Variants in INPPL1 observed in about 807,000 individuals in gnomAD.
The protein encoded by INPPL1 is inositol polyphosphate phosphatase like 1, also known as phosphatidylinositol 3,4,5-trisphosphate 5-phosphatase 2.
A neutral mutation model predicts 139.3 loss-of-function variants in INPPL1; 91 were observed. The observed-to-expected ratio is 0.65, with a 90% CI of 0.55 to 0.78. The LOEUF is 0.78. INPPL1 is among the 30% of genes least tolerant of loss of function. INPPL1 has a pLI of 0.00. For missense variants in INPPL1, 1,411 were observed against 1,665.6 expected (o/e 0.85, Z 2.66); for synonymous variants, 719 against 686.6 (o/e 1.05, Z -0.74).
At position 72,228,286 on chromosome 11, in the gene INPPL1, A is replaced by T. The variant is rs1948730043; in HGVS notation, c.246+33A>T. 6.2e-7 allele frequency: 1 copy of T among 1,613,970 alleles called. No individual in the cohort carries two copies. Among genetic ancestry groups the T allele is most frequent in the African/African-American group, 1.3e-5 (1 of 74,990 alleles). On this transcript the variant is annotated intron_variant, in intron 2 of 27. Coordinates refer to ENST00000298229, the MANE Select transcript of INPPL1 (RefSeq NM_001567.4). This position sits in a 1 kb window ranked among gnomAD's most constrained non-coding sequence, Gnocchi z 5.0. Reference sequence around the variant, plus strand: ...CTTGGGCCCCTGACCCCTGACCTTGATCCAGCCTAGGGCTTGGGGACCTGC... The same window carrying T: ...CTTGGGCCCCTGACCCCTGACCTTGTTCCAGCCTAGGGCTTGGGGACCTGC...
intron 25 of INPPL1, 122 bp from the exon 26 acceptor site, chr11:72,237,002 G>C (rs766848905): frequency 4.9e-6 from 4 of 814,586 alleles, no homozygotes; most frequent in Non-Finnish European, 7.7e-6. Flanking sequence ...TGTGCTCAAG[G>C]TCATGAGAAA....
In INPPL1 at chr11:72,228,872, A is replaced by T. The variant is rs1160552961; in HGVS notation, c.518+25A>T. ...GGTGAGACCCCCATCCCATCCACTGAACAGGAGACCCTTTCTCCTCTGAGA... is the reference window on the plus strand; with the variant it reads ...GGTGAGACCCCCATCCCATCCACTGTACAGGAGACCCTTTCTCCTCTGAGA... On this transcript the variant is annotated intron_variant, in intron 4 of 27. Transcript: ENST00000298229. The surrounding 1 kb of genome is among the most constrained non-coding windows in gnomAD (Gnocchi z 5.0). 1 of 1,560,298 alleles carries T rather than the reference A, an allele frequency of 6.4e-7. No individual in the cohort carries two copies. The highest frequency in any genetic ancestry group is 1.2e-5 in the South Asian group (1 of 81,976).
intron 13 of INPPL1, among the ~76,000 whole-genome samples, chr11:72,231,956 A>G (rs1213939032): frequency 6.6e-6 from 1 of 152,062 alleles, no homozygotes; most frequent in African/African-American, 2.4e-5. Context: ...TTCTGCGCAG[A>G]ATCTGCAGGG....
chr11:72,230,402 G>T lies in INPPL1; in HGVS notation c.1131G>T (p.Leu377=). 1 of 1,614,148 alleles carries T rather than the reference G, an allele frequency of 6.2e-7. No homozygotes were observed. Residue 377 remains leucine (L), a synonymous_variant, in exon 10 of 28, where the codon CTG becomes CTT. Transcript: ENST00000298229. ...AGTCCCAGCGTGTCCAGAACAAGCTGGGTGTTGTGTTTGAGAAGGAGAAGG... is the reference window on the plus strand; with the variant it reads ...AGTCCCAGCGTGTCCAGAACAAGCTTGGTGTTGTGTTTGAGAAGGAGAAGG... ...LIKSQRVQNK[L]GVVFEKEKDR... is the part of the protein sequence containing the mutation.
rs1591266094 is a variant in INPPL1, at chr11:72,224,996, C to T, written c.12C>T (p.Ala4=). Residue 4 remains alanine (A), a synonymous_variant, in exon 1 of 28, where the codon GCC becomes GCT. Transcript: ENST00000298229. MAS[A]CGAPGPGGAL... is the part of the protein sequence containing the mutation. ...GCCCTGCGCGGGCCATGGCCTCGGC[C>T]TGCGGGGCGCCGGGCCCGGGGGGCG... The T allele has an allele frequency of 3.4e-6, 4 of 1,193,894 alleles. No homozygotes were observed. The East Asian group carries it at 1.1e-4, about 32-fold the overall frequency. The allele number at this position is 1,193,894 out of a possible 1,614,324, so 74.0% of individuals were successfully genotyped here. A position where few individuals can be genotyped will look rare whatever the true frequency, so the allele number is the denominator to read the frequency against.
Position 72,228,549 on chromosome 11 carries a change from C to T in INPPL1, c.397+51C>T, listed in dbSNP as rs1437184640. 17 of 1,589,036 alleles carry T rather than the reference C, an allele frequency of 1.1e-5. No individual in the cohort carries two copies. The highest frequency in any genetic ancestry group is 1.5e-5 in the Non-Finnish European group (17 of 1,171,312). On this transcript the variant is annotated intron_variant, in intron 3 of 27. Transcript: ENST00000298229. This position sits in a 1 kb window ranked among gnomAD's most constrained non-coding sequence, Gnocchi z 5.0. ...CCCTGCCCCTGTCCCTTGGCTCTAC[C>T]TGCCTCTTCCCATCCCCCCTTCTCA... is the stretch of plus-strand genomic sequence containing the variant.
intron 13 of INPPL1, 118 bp from the exon 14 acceptor site, chr11:72,232,122 C>T: frequency 1.2e-6 from 1 of 815,638 alleles, no homozygotes; most frequent in Non-Finnish European, 2.0e-6. Flanking sequence ...CTGCCCATGT[C>T]ACAGCGTCTG....
intron 13 of INPPL1, among the ~76,000 whole-genome samples, chr11:72,232,018 CACAT>C (rs1409862646): frequency 1.3e-5 from 2 of 152,120 alleles, no homozygotes; most frequent in Non-Finnish European, 2.9e-5. Context: ...GCTCTGCTCA[CACAT>C]ACAGACAGAC....
In INPPL1 at chr11:72,225,150, T is replaced by G; in HGVS notation, c.166T>G (p.Phe56Val). 8.1e-7 allele frequency: 1 copy of G among 1,230,618 alleles called. No individual in the cohort carries two copies. The allele number at this position is 1,230,618 out of a possible 1,614,324, so 76.2% of individuals were successfully genotyped here. A position where few individuals can be genotyped will look rare whatever the true frequency, so the allele number is the denominator to read the frequency against. Residue 56 changes from phenylalanine to valine, a missense_variant, in exon 1 of 28, where the codon TTC (phenylalanine) becomes GTC (valine). Transcript: ENST00000298229. ...AGACAGCGAGAGCGTGGCGGGGGCCTTCGCGCTCTGCGTCCTGTGAGTGGG... is the reference window on the plus strand; with the variant it reads ...AGACAGCGAGAGCGTGGCGGGGGCCGTCGCGCTCTGCGTCCTGTGAGTGGG... Reference protein sequence around the residue: ...VRDSESVAGAFALCVLYQKHV... With the variant: ...VRDSESVAGAVALCVLYQKHV...
intron 1 of INPPL1, chr11:72,227,868 C>G (rs553365756): frequency 2.4e-6 from 1 of 415,258 alleles, no homozygotes; most frequent in African/African-American, 2.0e-5. Context: ...GGTACCACAG[C>G]CCAGAGGGGC....
intron 9 of INPPL1, 42 bp downstream of exon 9, chr11:72,230,313 C>A: frequency 6.2e-7 from 1 of 1,612,550 alleles, no homozygotes; most frequent in Non-Finnish European, 8.5e-7. Context: ...CAGGGCGGAG[C>A]CCCTGGCCTA....
chr11:72,227,416 G>A (rs1485535850), intron 1 of INPPL1, among the ~76,000 whole-genome samples: 1 of 152,184 alleles, frequency 6.6e-6, no homozygotes, highest in Admixed American at 6.5e-5. Context: ...GTTTGTAATA[G>A]TCTACAAAGG....
At chr11:72,231,706 G>T (rs996437928) in intron 13 of INPPL1, 91 bp downstream of exon 13, 1 of 902,518 alleles carries the variant, frequency 1.1e-6, no homozygotes, top group African/African-American at 1.6e-5. Flanking sequence ...CCCATTTTTG[G>T]TGATCTTAGT....
At chr11:72,231,752 C>T (rs1010373318) in intron 13 of INPPL1, 137 bp downstream of exon 13, 3 of 675,808 alleles carry the variant, frequency 4.4e-6, no homozygotes, top group Non-Finnish European at 8.0e-6. Context: ...CTTTGAAAAA[C>T]ATATTCATAT....
At position 72,233,750 on chromosome 11, in the gene INPPL1, T is replaced by C. The variant is rs1948902513; in HGVS notation, c.2212+6T>C. The C allele has an allele frequency of 4.3e-6, 7 of 1,612,202 alleles. No homozygotes were observed. Among genetic ancestry groups the C allele is most frequent in the African/African-American group, 2.7e-5 (2 of 75,008 alleles). ...CCAGTTCATCTCCAAGAAAGGTGACTGTTCCAGATATGCTTGTGGGTGTGG... is the reference window on the plus strand; with the variant it reads ...CCAGTTCATCTCCAAGAAAGGTGACCGTTCCAGATATGCTTGTGGGTGTGG... On this transcript the variant is annotated splice_donor_region_variant and intron_variant, in intron 19 of 27. Coordinates refer to ENST00000298229, the MANE Select transcript of INPPL1 (RefSeq NM_001567.4).
chr11:72,226,245 A>T (rs562896636), intron 1 of INPPL1, among the ~76,000 whole-genome samples: 3 of 149,166 alleles, frequency 2.0e-5, no homozygotes, highest in African/African-American at 7.5e-5. Context: ...CAGTAGTGCA[A>T]TCTCGGCTCA....
intron 10 of INPPL1, 89 bp downstream of exon 10, chr11:72,230,557 G>A: frequency 7.9e-7 from 1 of 1,271,702 alleles, no homozygotes; most frequent in Admixed American, 1.8e-5. Context: ...GGGAACACAT[G>A]ATGTAGGCAT....
intron 1 of INPPL1, chr11:72,225,580 G>A (rs929866299): frequency 1.0e-5 from 10 of 967,904 alleles, no homozygotes; most frequent in Non-Finnish European, 1.2e-5. Context: ...GACTGACGGG[G>A]TGTGTGGGGA....
rs1948741626 is a variant in INPPL1, at chr11:72,228,566, C to T, written c.397+68C>T. On this transcript the variant is annotated intron_variant, in intron 3 of 27. Transcript: ENST00000298229. This position sits in a 1 kb window ranked among gnomAD's most constrained non-coding sequence, Gnocchi z 5.0. ...GGCTCTACCTGCCTCTTCCCATCCCCCCTTCTCAACCCCACCTCTCCTGTA... is the reference window on the plus strand; with the variant it reads ...GGCTCTACCTGCCTCTTCCCATCCCTCCTTCTCAACCCCACCTCTCCTGTA... The T allele has an allele frequency of 1.3e-6, 2 of 1,573,314 alleles. No homozygotes were observed. The highest frequency in any genetic ancestry group is 1.7e-5 in the Admixed American group (1 of 59,352).
Sources: allele counts gnomAD v4.1 joint callset (sites outside exome capture counted in the v4.1 genomes callset), GRCh38; gene constraint gnomAD v4.1.1; non-coding constraint Gnocchi (gnomAD v3.1); transcripts MANE v1.5; gene names NCBI Gene and HGNC (gene_info 2026-07-23, HGNC 2026-07-21).